Variants in ANKS1A observed in about 807,000 individuals in gnomAD.
ANKS1A encodes ankyrin repeat and sterile alpha motif domain containing 1A.
Under a neutral mutation model 120.3 loss-of-function variants are expected in ANKS1A, and 55 were observed. The observed-to-expected ratio is 0.46, with a 90% confidence interval of 0.37 to 0.57. ANKS1A has a LOEUF of 0.57. Among genes scored for constraint, ANKS1A ranks in the 20% least tolerant of loss-of-function variants. The probability of loss-of-function intolerance (pLI) is 0.00; values close to 1 mark genes in which losing one functional copy is unlikely to be tolerated. For synonymous variants in ANKS1A, 590 were observed against 604.7 expected, an observed-to-expected ratio of 0.98 and a Z score of 0.36; for missense variants, 1,123 against 1,480.3, an observed-to-expected ratio of 0.76 and a Z score of 3.96.
chr6:34,947,140 CTCT>C (rs1398533072), intron 1 of ANKS1A, among the ~76,000 whole-genome samples: 32 of 131,302 alleles, frequency 2.4e-4, no homozygotes, highest in African/African-American at 1.0e-3. Context: ...GTATAGTAGA[CTCT>C]TTTTTTTTTT....
intron 13 of ANKS1A, among the ~76,000 whole-genome samples, chr6:35,070,493 T>A (rs867230001): frequency 0.033 from 4,660 of 140,352 alleles, 145 homozygotes; most frequent in African/African-American, 0.085. Context: ...TCTTTTTTTT[T>A]TTTTTTTTTT....
chr6:34,960,814 A>C (rs968964254), intron 1 of ANKS1A, among the ~76,000 whole-genome samples: 1 of 152,186 alleles, frequency 6.6e-6, no homozygotes, highest in Non-Finnish European at 1.5e-5. Context: ...AAACTTCTAG[A>C]AGTTTCCATG....
intron 3 of ANKS1A, among the ~76,000 whole-genome samples, chr6:34,981,341 G>A (rs918658160): frequency 1.3e-5 from 2 of 152,200 alleles, no homozygotes; most frequent in Non-Finnish European, 2.9e-5. Flanking sequence ...TGAAATAATA[G>A]CAGTGATATT....
intron 1 of ANKS1A, among the ~76,000 whole-genome samples, chr6:34,919,674 G>T (rs552469268): frequency 6.6e-5 from 10 of 152,260 alleles, no homozygotes. Context: ...ATGACCTTGG[G>T]CAAGTTTCTT....
At chr6:34,997,091 T>G (rs1478926336) in intron 10 of ANKS1A, among the ~76,000 whole-genome samples, 1 of 152,230 alleles carries the variant, frequency 6.6e-6, no homozygotes, top group Non-Finnish European at 1.5e-5. Context: ...AGCTTGTTGA[T>G]TTCTACAAAA....
At chr6:34,917,111 C>T (rs907448132) in intron 1 of ANKS1A, among the ~76,000 whole-genome samples, 8 of 152,162 alleles carry the variant, frequency 5.3e-5, no homozygotes, top group African/African-American at 1.7e-4. Context: ...TTATTTGGTC[C>T]ACCACTAATC....
At chr6:34,901,939 G>A (rs1236056832) in intron 1 of ANKS1A, among the ~76,000 whole-genome samples, 1 of 152,214 alleles carries the variant, frequency 6.6e-6, no homozygotes, top group East Asian at 1.9e-4. Context: ...TAGCTAAGTA[G>A]CTCTGAAAAT....
chr6:34,971,994 A>C (rs1339604037), intron 3 of ANKS1A, among the ~76,000 whole-genome samples: 1 of 152,242 alleles, frequency 6.6e-6, no homozygotes, highest in African/African-American at 2.4e-5. Flanking sequence ...TTCTAGCTAA[A>C]GTGGTCATTT....
chr6:35,031,473 C>G (rs567858468), intron 11 of ANKS1A, among the ~76,000 whole-genome samples: 2 of 152,248 alleles, frequency 1.3e-5, no homozygotes, highest in African/African-American at 4.8e-5. Flanking sequence ...GTCTAAATGA[C>G]CCTGAGCCAG....
At chr6:34,931,940 T>C (rs1183691357) in intron 1 of ANKS1A, among the ~76,000 whole-genome samples, 1 of 152,236 alleles carries the variant, frequency 6.6e-6, no homozygotes, top group African/African-American at 2.4e-5. Flanking sequence ...GAGCATATAT[T>C]ACAGATACAA....
chr6:34,962,836 A>G (rs748530832), intron 1 of ANKS1A, among the ~76,000 whole-genome samples: 1 of 151,232 alleles, frequency 6.6e-6, no homozygotes, highest in Non-Finnish European at 1.5e-5. Context: ...CAGCGCACTT[A>G]GTGCTTTTTT....
Position 34,918,734 on chromosome 6 carries a change from G to A in ANKS1A, c.197+29135G>A, listed in dbSNP as rs367609892. Among the ~76,000 whole-genome samples, 55 of 152,248 alleles carry A rather than the reference G, an allele frequency of 3.6e-4. No individual in the cohort carries two copies. The South Asian group carries it at 0.011, about 32-fold the overall frequency. ...TATTGTTTCCTTCTGATCTGTTGAA[G>A]CAAAAAGCTGACAACACACATGAAA... On this transcript the variant is annotated intron_variant, in intron 1 of 23. Coordinates refer to ENST00000360359, the MANE Select transcript of ANKS1A (RefSeq NM_015245.3).
intron 1 of ANKS1A, among the ~76,000 whole-genome samples, chr6:34,890,370 G>A (rs1766751211): frequency 6.6e-6 from 1 of 152,172 alleles, no homozygotes; most frequent in Admixed American, 6.5e-5. Flanking sequence ...GATTACAGGC[G>A]TGAGCCACCG....
chr6:34,993,838 G>A (rs1460962678), intron 9 of ANKS1A, among the ~76,000 whole-genome samples: 1 of 152,230 alleles, frequency 6.6e-6, no homozygotes, highest in Non-Finnish European at 1.5e-5. Flanking sequence ...AGAGCTGCTT[G>A]GCAAGTATTA....
chr6:34,906,564 A>G (rs1307117864), intron 1 of ANKS1A, among the ~76,000 whole-genome samples: 1 of 152,250 alleles, frequency 6.6e-6, no homozygotes, highest in Non-Finnish European at 1.5e-5. Context: ...AGTGGGGCAG[A>G]ACAGACAGGT....
At position 35,083,485 on chromosome 6, in the gene ANKS1A, C is replaced by A; in HGVS notation, c.2976C>A (p.Phe992Leu). The A allele has an allele frequency of 6.2e-7, 1 of 1,614,094 alleles. No homozygotes were observed. The highest frequency in any genetic ancestry group is 8.5e-7 in the Non-Finnish European group (1 of 1,179,974). Residue 992 changes from phenylalanine to leucine, a missense_variant, in exon 20 of 24, where the codon TTC becomes TTA. Phe to Leu is a conservative substitution (Grantham distance 22, BLOSUM62 0). Coordinates refer to ENST00000360359, the MANE Select transcript of ANKS1A (RefSeq NM_015245.3). ...ILSITYKGVK[F>L]IDASNKNVIA... ...CCATCACATACAAAGGTGTCAAGTT[C>A]ATCGATGCCTCCAACAAGGTGTGCT...
At chr6:34,955,263 A>G (rs1259920939) in intron 1 of ANKS1A, among the ~76,000 whole-genome samples, 1 of 151,762 alleles carries the variant, frequency 6.6e-6, no homozygotes, top group African/African-American at 2.4e-5. Context: ...CAGCCCCCCA[A>G]GTAGCTGGGA....
intron 11 of ANKS1A, among the ~76,000 whole-genome samples, chr6:35,021,624 T>C (rs1774346966): frequency 6.6e-6 from 1 of 152,208 alleles, no homozygotes; most frequent in African/African-American, 2.4e-5. Context: ...TAGATATTAA[T>C]GTTACTATCT....
Position 35,046,184 on chromosome 6 carries a change from G to A in ANKS1A, c.2011-7915G>A, listed in dbSNP as rs143509123. On this transcript the variant is annotated intron_variant, in intron 11 of 23. Coordinates refer to ENST00000360359, the MANE Select transcript of ANKS1A (RefSeq NM_015245.3). ...AGTTTCCCAGGGTGTACTCATCCTG[G>A]GAACACTGATAATTGAGTTTTCAGA... 1.2e-3 allele frequency among the ~76,000 whole-genome samples: 176 copies of A among 152,144 alleles called. 1 individual carries two copies. Among genetic ancestry groups the A allele is most frequent in the African/African-American group, 4.1e-3 (172 of 41,500 alleles).
Sources: gnomAD v4.1 joint callset for allele counts (sites outside exome capture counted in the v4.1 genomes callset) on GRCh38, gnomAD v4.1.1 for gene constraint, MANE v1.5 for transcripts, NCBI Gene and HGNC (gene_info 2026-07-23, HGNC 2026-07-21) for gene names.